Variants in BICC1 observed in about 807,000 individuals in gnomAD.
BICC1 encodes BicC family RNA binding protein 1, also known as protein bicaudal C homolog 1.
A neutral mutation model predicts 111.0 loss-of-function variants in BICC1; 43 were observed. The observed-to-expected ratio is 0.39, with a 90% CI of 0.30 to 0.50. The LOEUF (loss-of-function observed/expected upper bound fraction) is 0.50, where lower values mean the gene tolerates loss of function less well. BICC1 is among the 20% of genes least tolerant of loss of function. The pLI, the probability that BICC1 is intolerant of heterozygous loss-of-function variation, is 0.88. For synonymous variants in BICC1, 467 were observed against 434.4 expected, an observed-to-expected ratio of 1.07 and a Z score of -0.93; for missense variants, 1,091 against 1,203.2, an observed-to-expected ratio of 0.91 and a Z score of 1.38.
At chr10:58,806,869 TA>T in intron 16 of BICC1, 134 bp from the exon 17 acceptor site, 1 of 863,818 alleles carries the variant, frequency 1.2e-6, no homozygotes, top group Non-Finnish European at 1.8e-6. Context: ...AAGATATTTT[TA>T]GACATTTTGT....
chr10:58,787,185 T>A (rs1306449092), intron 5 of BICC1, 104 bp downstream of exon 5: 3 of 1,022,150 alleles, frequency 2.9e-6, no homozygotes, highest in Non-Finnish European at 4.2e-6. Flanking sequence ...AAAAAAAAAA[T>A]CACATAGATG....
intron 2 of BICC1, among the ~76,000 whole-genome samples, chr10:58,646,375 G>C (rs1214742129): frequency 6.6e-6 from 1 of 152,170 alleles, no homozygotes; most frequent in Non-Finnish European, 1.5e-5. Flanking sequence ...TGTAGTGGTA[G>C]TAAATGACCT....
At chr10:58,816,570 C>T (rs1487637226) in intron 18 of BICC1, among the ~76,000 whole-genome samples, 1 of 152,038 alleles carries the variant, frequency 6.6e-6, no homozygotes, top group Non-Finnish European at 1.5e-5. Context: ...ACATGGATCC[C>T]CAGAGTAGAC....
chr10:58,785,130 G>A, intron 4 of BICC1, 50 bp downstream of exon 4: 1 of 1,106,080 alleles, frequency 9.0e-7, no homozygotes, highest in Non-Finnish European at 1.3e-6. Flanking sequence ...TCTCTACAAG[G>A]GCTACTTCAT....
At chr10:58,579,783 G>A (rs981287053) in intron 1 of BICC1, among the ~76,000 whole-genome samples, 4 of 152,174 alleles carry the variant, frequency 2.6e-5, no homozygotes, top group African/African-American at 9.7e-5. Context: ...TTAGCATAAA[G>A]GGAGTATGAT....
chr10:58,687,669 C>A (rs1383251661), intron 2 of BICC1, among the ~76,000 whole-genome samples: 2 of 152,340 alleles, frequency 1.3e-5, no homozygotes, highest in East Asian at 1.9e-4. Flanking sequence ...TCTTCCAAGC[C>A]TGGCACGGGA....
intron 2 of BICC1, among the ~76,000 whole-genome samples, chr10:58,676,008 C>T (rs564838338): frequency 1.5e-4 from 23 of 152,220 alleles, no homozygotes; most frequent in African/African-American, 4.6e-4. Context: ...GGTGGGGAGT[C>T]GCCTCACCTG....
chr10:58,655,219 GA>G lies in BICC1; in HGVS notation c.237+34321del, dbSNP rs562167614. 2.9e-3 allele frequency among the ~76,000 whole-genome samples: 422 copies of G among 147,136 alleles called. 8 individuals are homozygous for G. Among genetic ancestry groups the G allele is most frequent in the African/African-American group, 9.8e-3 (395 of 40,450 alleles). ...AAGTAGTTTTTTCCAATTCTGTGAA[GA>G]AAGTCATTCGTAGCTTTGTGGGGAT... On this transcript the variant is annotated intron_variant, in intron 2 of 20. Coordinates refer to ENST00000373886, the MANE Select transcript of BICC1 (RefSeq NM_001080512.3).
intron 3 of BICC1, among the ~76,000 whole-genome samples, chr10:58,769,283 A>AACACAC (rs3076306): frequency 6.9e-6 from 1 of 145,404 alleles, no homozygotes; most frequent in African/African-American, 2.5e-5. Context: ...AAATGTTCTC[A>AACACAC]ACACACACAC....
chr10:58,607,343 A>AATAAATAAATAAAT (rs1374739915), intron 1 of BICC1, among the ~76,000 whole-genome samples: 4 of 151,832 alleles, frequency 2.6e-5, no homozygotes, highest in Non-Finnish European at 5.9e-5. Flanking sequence ...TAAATAAATA[A>AATAAATAAATAAAT]AACTGTCATG....
At chr10:58,756,323 C>G (rs1321833942) in intron 3 of BICC1, among the ~76,000 whole-genome samples, 1 of 152,104 alleles carries the variant, frequency 6.6e-6, no homozygotes, top group Non-Finnish European at 1.5e-5. Context: ...ACAAGCATTC[C>G]TGTGTGAAAT....
At chr10:58,627,115 G>A (rs1837656749) in intron 2 of BICC1, among the ~76,000 whole-genome samples, 1 of 151,780 alleles carries the variant, frequency 6.6e-6, no homozygotes, top group Non-Finnish European at 1.5e-5. Context: ...AAAAAAAAAA[G>A]TATGTTCAAT....
intron 1 of BICC1, among the ~76,000 whole-genome samples, chr10:58,584,055 AACACAC>A (rs140080926): frequency 0.21 from 30,652 of 147,746 alleles, 3,405 homozygotes; most frequent in East Asian, 0.33. Context: ...GTAAACATGA[AACACAC>A]ACACACACAC....
At chr10:58,717,562 A>G (rs1440742742) in intron 3 of BICC1, among the ~76,000 whole-genome samples, 1 of 152,226 alleles carries the variant, frequency 6.6e-6, no homozygotes, top group Non-Finnish European at 1.5e-5. Context: ...TCTTCTATAT[A>G]AGCACGTAAA....
At chr10:58,694,248 A>C (rs1840002895) in intron 2 of BICC1, among the ~76,000 whole-genome samples, 1 of 152,126 alleles carries the variant, frequency 6.6e-6, no homozygotes, top group South Asian at 2.1e-4. Flanking sequence ...CCATTTTTGT[A>C]AAATGCCACG....
chr10:58,591,062 T>C (rs1028199860), intron 1 of BICC1, among the ~76,000 whole-genome samples: 1 of 152,196 alleles, frequency 6.6e-6, no homozygotes, highest in Non-Finnish European at 1.5e-5. Context: ...AGACCTTCAT[T>C]AGTTACACCT....
chr10:58,627,836 A>G (rs756365012), intron 2 of BICC1, among the ~76,000 whole-genome samples: 2 of 152,228 alleles, frequency 1.3e-5, no homozygotes, highest in Non-Finnish European at 2.9e-5. Flanking sequence ...AAAGATATTC[A>G]TTGTCACAAT....
chr10:58,621,764 C>T (rs530832871), intron 2 of BICC1, among the ~76,000 whole-genome samples: 1 of 151,806 alleles, frequency 6.6e-6, no homozygotes, highest in South Asian at 2.1e-4. Context: ...CCGGTGTGGT[C>T]GCAGATGCCT....
At chr10:58,593,149 G>C (rs964179390) in intron 1 of BICC1, among the ~76,000 whole-genome samples, 1 of 152,070 alleles carries the variant, frequency 6.6e-6, no homozygotes, top group Non-Finnish European at 1.5e-5. Flanking sequence ...ACTGGGTGGA[G>C]CCCACTGCAG....
Sources: gnomAD v4.1 joint callset for allele counts (sites outside exome capture counted in the v4.1 genomes callset) on GRCh38, gnomAD v4.1.1 for gene constraint, MANE v1.5 for transcripts, NCBI Gene and HGNC (gene_info 2026-07-23, HGNC 2026-07-21) for gene names.